ZNF676: variants seen among roughly 807,000 people sequenced by gnomAD.
The protein encoded by ZNF676 is zinc finger protein 676.
In ZNF676, 4 loss-of-function variants were observed where a neutral mutation model predicts 6.0. That is an observed-to-expected ratio of 0.67 (90% CI 0.33 to 1.53). ZNF676 has a LOEUF of 1.53. Among genes scored for constraint, ZNF676 ranks in the 40% most tolerant of loss-of-function variants. ZNF676 has a pLI of 0.06. For missense variants in ZNF676, 644 were observed against 679.7 expected (o/e 0.95, Z 0.58); for synonymous variants, 198 against 223.1 (o/e 0.89, Z 1.00).
upstream of ZNF676, among the ~76,000 whole-genome samples, chr19:22,218,853 G>A (rs1250636918): frequency 6.6e-6 from 1 of 151,922 alleles, no homozygotes; most frequent in Non-Finnish European, 1.5e-5. Flanking sequence ...TGCTGTTTTG[G>A]TAACTATAAC....
At chr19:22,249,429 T>C in the ZNF676 span, among the ~76,000 whole-genome samples, 1 of 152,220 alleles carries the variant, frequency 6.6e-6, no homozygotes, top group Non-Finnish European at 1.5e-5. Flanking sequence ...TTTTTGTTTT[T>C]GAGACAGAGT....
intron 1 of ZNF676, among the ~76,000 whole-genome samples, chr19:22,213,356 C>T (rs281179): frequency 0.42 from 64,457 of 152,054 alleles, 14,485 homozygotes; most frequent in African/African-American, 0.58. Context: ...ATTTTGGTTT[C>T]CCCTTCAATA....
At chr19:22,228,447 G>C in the ZNF676 span, among the ~76,000 whole-genome samples, 1 of 152,154 alleles carries the variant, frequency 6.6e-6, no homozygotes, top group Non-Finnish European at 1.5e-5. Context: ...ACTGGCACAA[G>C]ACAAGGATGC....
At chr19:22,233,645 T>TAG in the ZNF676 span, among the ~76,000 whole-genome samples, 1 of 152,276 alleles carries the variant, frequency 6.6e-6, no homozygotes, top group Non-Finnish European at 1.5e-5. Context: ...CTGCAGTCTC[T>TAG]CTGCTGCTGT....
rs200144586 is a variant in ZNF676, at chr19:22,181,109, C to T, written c.608G>A (p.Gly203Asp). Residue 203 changes from glycine (G) to aspartate (D), a missense_variant, in exon 3 of 3, where the codon GGC becomes GAC. Physicochemically the swap from Gly to Asp is moderately conservative, Grantham distance 94 (BLOSUM62 -1). This residue lies in a region of ZNF676 where 280 missense variants were observed against 269.3 expected (regional missense o/e 1.04). Transcript: ENST00000397121. ...GATTGAGAACTTACTAAAGGCTTTG[C>T]CACATTCTTCACATTTGTAGGGTTT... Reference protein sequence around the residue: ...GEKPYKCEECGKAFSKFSILT... With the variant: ...GEKPYKCEECDKAFSKFSILT... The T allele has an allele frequency of 1.5e-5, 25 of 1,613,546 alleles. No homozygotes were observed. Among genetic ancestry groups the T allele is most frequent in the Non-Finnish European group, 1.9e-5 (22 of 1,179,944 alleles).
At chr19:22,206,789 AAC>A (rs1167976657) in intron 1 of ZNF676, among the ~76,000 whole-genome samples, 9 of 152,222 alleles carry the variant, frequency 5.9e-5, no homozygotes, top group Non-Finnish European at 1.3e-4. Flanking sequence ...AGGTTTGTTC[AAC>A]ATACACGAAT....
chr19:22,249,347 T>TA, the ZNF676 span, among the ~76,000 whole-genome samples: 2 of 152,076 alleles, frequency 1.3e-5, no homozygotes, highest in East Asian at 3.9e-4. Flanking sequence ...ATTAAGCTTG[T>TA]AAAAAAAATT....
chr19:22,245,895 T>C, the ZNF676 span, among the ~76,000 whole-genome samples: 2 of 152,072 alleles, frequency 1.3e-5, no homozygotes, highest in Non-Finnish European at 2.9e-5. Flanking sequence ...CACTTGTTTT[T>C]GCAGAACCCA....
At chr19:22,210,546 A>G (rs7248538) in intron 1 of ZNF676, among the ~76,000 whole-genome samples, 5,455 of 152,302 alleles carry the variant, frequency 0.036, 325 homozygotes, top group African/African-American at 0.12. Context: ...ACCAAGAAAA[A>G]AGGTGGGAAA....
At chr19:22,199,741 G>C (rs1285202526), upstream of ZNF676, among the ~76,000 whole-genome samples, 8 of 152,140 alleles carry the variant, frequency 5.3e-5, no homozygotes, top group Non-Finnish European at 1.0e-4. Context: ...CTTGTGACTT[G>C]TGAATCAACT....
the ZNF676 span, among the ~76,000 whole-genome samples, chr19:22,233,827 C>T: frequency 6.6e-6 from 1 of 152,202 alleles, no homozygotes; most frequent in African/African-American, 2.4e-5. Flanking sequence ...GTGATGTCAA[C>T]AAAACAGGTC....
chr19:22,235,129 A>C, the ZNF676 span, among the ~76,000 whole-genome samples: 5 of 147,132 alleles, frequency 3.4e-5, 1 homozygote, highest in African/African-American at 1.0e-4. Flanking sequence ...GGCAGGAAGG[A>C]AGGAAGGAAG....
Position 22,179,164 on chromosome 19 carries a change from CATTT to C in ZNF676, c.*782_*785del, listed in dbSNP as rs1285783679. ...CTTACCTACAATCAAGTGTGACAGC[CATTT>C]AAAGGCTTTGTCACATTCTTCACAT... is the stretch of plus-strand genomic sequence containing the variant. On this transcript the variant is annotated 3_prime_UTR_variant, in exon 3 of 3. Transcript: ENST00000397121. 1.9e-5 allele frequency: 3 copies of C among 158,732 alleles called. No homozygotes were observed. In the East Asian group the frequency reaches 5.7e-4, roughly 30 times the overall value. The allele number at this position is 158,732 out of a possible 1,614,324, so 9.8% of individuals were successfully genotyped here.
At chr19:22,237,343 T>A in the ZNF676 span, among the ~76,000 whole-genome samples, 3 of 152,162 alleles carry the variant, frequency 2.0e-5, no homozygotes, top group Non-Finnish European at 4.4e-5. Flanking sequence ...TGGGTCCAAA[T>A]AAATAAATTC....
chr19:22,229,579 G>A, the ZNF676 span, among the ~76,000 whole-genome samples: 1 of 152,152 alleles, frequency 6.6e-6, no homozygotes, highest in East Asian at 1.9e-4. Context: ...TATGGAATGG[G>A]AGAAAAATTT....
chr19:22,190,668 T>TATATATATATATATAC (rs1233210246), intron 2 of ZNF676, among the ~76,000 whole-genome samples: 1 of 93,760 alleles, frequency 1.1e-5, no homozygotes, highest in African/African-American at 4.7e-5. Context: ...TATATATACA[T>TATATATATATATATAC]ACACACTTTA....
the ZNF676 span, among the ~76,000 whole-genome samples, chr19:22,253,372 G>GTGTGTA: frequency 4.4e-5 from 4 of 90,848 alleles, no homozygotes; most frequent in Admixed American, 6.1e-4. Flanking sequence ...GTGTGTGTGT[G>GTGTGTA]TATATATATA....
the ZNF676 span, among the ~76,000 whole-genome samples, chr19:22,254,800 C>T: frequency 6.6e-6 from 1 of 152,134 alleles, no homozygotes; most frequent in East Asian, 1.9e-4. Flanking sequence ...GGTTCTAGGG[C>T]CAGCAAAATG....
intron 1 of ZNF676, 36 bp downstream of exon 1, chr19:22,196,564 T>C (rs567067135): frequency 1.2e-6 from 2 of 1,613,386 alleles, no homozygotes; most frequent in South Asian, 1.1e-5. Context: ...AAACCTGTAG[T>C]ATATACTAGG....
Sources: gnomAD v4.1 joint callset for allele counts (sites outside exome capture counted in the v4.1 genomes callset) on GRCh38, gnomAD v4.1.1 for gene constraint, gnomAD v4.1.1 regional missense constraint, MANE v1.5 for transcripts, NCBI Gene and HGNC (gene_info 2026-07-23, HGNC 2026-07-21) for gene names.